CD83: variants seen among roughly 807,000 people sequenced by gnomAD.
CD83 encodes CD83 antigen.
In CD83, 22 loss-of-function variants were observed where a neutral mutation model predicts 24.6. The observed-to-expected ratio is 0.90, with a 90% confidence interval of 0.64 to 1.28. The LOEUF is 1.28. CD83 is among the 50% of genes most tolerant of loss of function. The probability of loss-of-function intolerance (pLI) is 0.00; values close to 1 mark genes in which losing one functional copy is unlikely to be tolerated. For missense variants in CD83, 253 were observed against 252.8 expected (o/e 1.00, Z -0.01); for synonymous variants, 101 against 103.5 (o/e 0.98, Z 0.14).
Position 14,133,636 on chromosome 6 carries a change from TA to T in CD83, c.383-12del. 6.4e-7 allele frequency: 1 copy of T among 1,551,252 alleles called. No homozygotes were observed. The highest frequency in any genetic ancestry group is 8.8e-7 in the Non-Finnish European group (1 of 1,138,626). ...TGTTAAAATGGCTTCACATGTCGCT[TA>T]CTTTTTTAAAGGATGCCCTGCACAG... On this transcript the variant is annotated splice_polypyrimidine_tract_variant and intron_variant, in intron 3 of 4. Transcript: ENST00000379153.
At position 14,118,048 on chromosome 6, in the gene CD83, A is replaced by G; in HGVS notation, c.136A>G (p.Thr46Ala). The G allele has an allele frequency of 6.2e-7, 1 of 1,608,010 alleles. No individual in the cohort carries two copies. Residue 46 changes from threonine to alanine, a missense_variant, in exon 2 of 5, where the codon ACG becomes GCG. Physicochemically the swap from Thr to Ala is moderately conservative, Grantham distance 58 (BLOSUM62 0). Coordinates refer to ENST00000379153, the MANE Select transcript of CD83 (RefSeq NM_004233.4). ...CCCCTGGGATCCGCAGGTTCCCTACACGGTCTCCTGGGTCAAGGTAGGTGC... is the reference window on the plus strand; with the variant it reads ...CCCCTGGGATCCGCAGGTTCCCTACGCGGTCTCCTGGGTCAAGGTAGGTGC... The part of the protein sequence containing the change: ...TAPWDPQVPY[T>A]VSWVKLLEGG...
At chr6:14,135,065 T>A (rs766736049) in intron 4 of CD83, 43 bp from the exon 5 acceptor site, 21 of 1,607,464 alleles carry the variant, frequency 1.3e-5, no homozygotes, top group Non-Finnish European at 1.6e-5. Context: ...AACTGCTGAA[T>A]TTTTCCAATT....
intron 2 of CD83, among the ~76,000 whole-genome samples, chr6:14,125,838 G>A (rs1581329426): frequency 6.6e-6 from 1 of 152,232 alleles, no homozygotes; most frequent in Non-Finnish European, 1.5e-5. Flanking sequence ...GACATCATAT[G>A]TGGAAAAAAC....
At chr6:14,119,338 CACA>C (rs1355127815) in intron 2 of CD83, among the ~76,000 whole-genome samples, 1 of 152,156 alleles carries the variant, frequency 6.6e-6, no homozygotes, top group Admixed American at 6.5e-5. Context: ...GATCAGAGAA[CACA>C]ACAATTCCGA....
chr6:14,132,582 G>A (rs1055430048), intron 3 of CD83, among the ~76,000 whole-genome samples: 3 of 152,206 alleles, frequency 2.0e-5, no homozygotes, highest in African/African-American at 7.2e-5. Context: ...TAAAATGGAA[G>A]TAACGTCTAC....
chr6:14,131,319 G>GTCC (rs1354145610), intron 2 of CD83, among the ~76,000 whole-genome samples: 1 of 152,192 alleles, frequency 6.6e-6, no homozygotes, highest in Non-Finnish European at 1.5e-5. Flanking sequence ...ATGAGATGTA[G>GTCC]TCCTGATATA....
At chr6:14,118,195 T>G (rs1050161522) in intron 2 of CD83, 130 bp downstream of exon 2, 11 of 623,096 alleles carry the variant, frequency 1.8e-5, no homozygotes, top group African/African-American at 1.3e-4. Flanking sequence ...GCAGCTGAAC[T>G]TGGAGTACCC....
At chr6:14,134,391 A>C (rs1218629074) in intron 4 of CD83, among the ~76,000 whole-genome samples, 1 of 152,208 alleles carries the variant, frequency 6.6e-6, no homozygotes, top group African/African-American at 2.4e-5. Flanking sequence ...TTCTTTCTGC[A>C]TGGCTGCTCA....
intron 2 of CD83, among the ~76,000 whole-genome samples, chr6:14,122,638 TA>T (rs201779906): frequency 5.4e-4 from 79 of 147,260 alleles, no homozygotes; most frequent in Admixed American, 8.8e-4. Flanking sequence ...ATGTTAGAAT[TA>T]AAAAAAAAAA....
At chr6:14,123,100 GTT>G (rs70993012) in intron 2 of CD83, among the ~76,000 whole-genome samples, 4 of 141,758 alleles carry the variant, frequency 2.8e-5, no homozygotes, top group Non-Finnish European at 3.1e-5. Flanking sequence ...GTTTGTTTTT[GTT>G]TTTTTTTTTT....
chr6:14,135,307 G>C lies in CD83; in HGVS notation c.*71G>C. ...TGTGCCTGTCTGTTACACTGGAGGA[G>C]AGAAGAATGAGCCTACGCTGAAGAT... is the stretch of plus-strand genomic sequence containing the variant. On this transcript the variant is annotated 3_prime_UTR_variant, in exon 5 of 5. Transcript: ENST00000379153. 6.6e-7 allele frequency: 1 copy of C among 1,515,086 alleles called. No homozygotes were observed. The highest frequency in any genetic ancestry group is 9.0e-7 in the Non-Finnish European group (1 of 1,108,878). 93.9% of individuals were successfully genotyped at this position (1,515,086 alleles called of 1,614,324 possible). A position where few individuals can be genotyped will look rare whatever the true frequency, so the allele number is the denominator to read the frequency against.
chr6:14,118,166 G>A, intron 2 of CD83, 101 bp downstream of exon 2: 1 of 740,588 alleles, frequency 1.4e-6, no homozygotes, highest in South Asian at 1.9e-5. Flanking sequence ...CTGCCAGGTG[G>A]GGGCGAGGGG....
intron 2 of CD83, among the ~76,000 whole-genome samples, chr6:14,121,016 C>G (rs1201138419): frequency 6.6e-6 from 1 of 152,198 alleles, no homozygotes; most frequent in African/African-American, 2.4e-5. Flanking sequence ...TGGCCCAGCT[C>G]TTCTCTTCTA....
In CD83 at chr6:14,136,557, T is replaced by G. The variant is rs1381039188; in HGVS notation, c.*1321T>G. The G allele has an allele frequency of 6.6e-6, 1 of 152,228 alleles. No individual in the cohort carries two copies. Among genetic ancestry groups the G allele is most frequent in the East Asian group, 1.9e-4 (1 of 5,196 alleles). 9.4% of individuals were successfully genotyped at this position (152,228 alleles called of 1,614,324 possible). On this transcript the variant is annotated 3_prime_UTR_variant, in exon 5 of 5. Transcript: ENST00000379153. ...TCCCTTCTTGGTTTCCAAAGGCATT[T>G]TATTGCTTGAGTTATATGTTCACTG...
chr6:14,117,810 C>A lies in CD83; in HGVS notation c.-2C>A. 1 of 1,555,606 alleles carries A rather than the reference C, an allele frequency of 6.4e-7. No individual in the cohort carries two copies. Among genetic ancestry groups the A allele is most frequent in the Non-Finnish European group, 8.6e-7 (1 of 1,157,962 alleles). ...TCGTGGCAGCGGCGCAGCGCTCCAG[C>A]CATGTCGCGCGGCCTCCAGCTTCTG... On this transcript the variant is annotated 5_prime_UTR_variant, in exon 1 of 5. Coordinates refer to ENST00000379153, the MANE Select transcript of CD83 (RefSeq NM_004233.4). The surrounding 1 kb of genome is among the most constrained non-coding windows in gnomAD (Gnocchi z 4.6).
rs1758013608 is a variant in CD83, at chr6:14,135,021, A to C, written c.490-87A>C. 2.2e-6 allele frequency: 3 copies of C among 1,377,486 alleles called. No individual in the cohort carries two copies. The South Asian group carries it at 3.8e-5, about 17-fold the overall frequency. 85.3% of individuals were successfully genotyped at this position (1,377,486 alleles called of 1,614,324 possible). A position where few individuals can be genotyped will look rare whatever the true frequency, so the allele number is the denominator to read the frequency against. On this transcript the variant is annotated intron_variant, in intron 4 of 4. Coordinates refer to ENST00000379153, the MANE Select transcript of CD83 (RefSeq NM_004233.4). ...AGCTTCCAGAATGGGTTGTCTAGCC[A>C]GCTCTTAGTGAATAGAGTTTAAAAG...
intron 2 of CD83, among the ~76,000 whole-genome samples, chr6:14,130,593 G>A (rs1176714798): frequency 6.6e-6 from 1 of 152,128 alleles, no homozygotes; most frequent in Non-Finnish European, 1.5e-5. Flanking sequence ...AGCCAGGTGT[G>A]GTGGCACAGG....
chr6:14,118,606 T>A (rs185293440), intron 2 of CD83, among the ~76,000 whole-genome samples: 2 of 152,312 alleles, frequency 1.3e-5, no homozygotes, highest in Admixed American at 6.5e-5. Context: ...CTTTGTGGGA[T>A]ACCCTTGGCT....
intron 2 of CD83, among the ~76,000 whole-genome samples, chr6:14,119,056 A>G (rs551885530): frequency 1.1e-4 from 17 of 152,340 alleles, no homozygotes; most frequent in African/African-American, 3.4e-4. Context: ...GCCACTTAAC[A>G]GTACAAGGCA....
Sources: gnomAD v4.1 joint callset for allele counts (sites outside exome capture counted in the v4.1 genomes callset) on GRCh38, gnomAD v4.1.1 for gene constraint, Gnocchi (gnomAD v3.1) non-coding constraint, MANE v1.5 for transcripts, NCBI Gene and HGNC (gene_info 2026-07-23, HGNC 2026-07-21) for gene names.